The following ADGRA3 variants were observed in gnomAD, a reference collection of about 807,000 sequenced individuals.
ADGRA3 encodes adhesion G protein-coupled receptor A3.
ADGRA3 carries 56 observed loss-of-function variants against 119.8 expected under a neutral mutation model. The observed-to-expected ratio is 0.47, with a 90% CI of 0.38 to 0.58. The LOEUF (loss-of-function observed/expected upper bound fraction) is 0.58. Ranked by LOEUF, ADGRA3 falls within the 20% of genes least tolerant of loss-of-function variation. The pLI, the probability that ADGRA3 is intolerant of heterozygous loss-of-function variation, is 0.00. For missense variants in ADGRA3, 1,516 were observed against 1,649.0 expected (o/e 0.92, Z 1.40); for synonymous variants, 607 against 623.8 (o/e 0.97, Z 0.40).
intron 2 of ADGRA3, chr4:22,473,144 T>C (rs1361884585): frequency 6.6e-6 from 1 of 152,210 alleles, no homozygotes; most frequent in Non-Finnish European, 1.5e-5. Context: ...CCATGTGACA[T>C]GCAAGTTTGG....
chr4:22,461,885 T>A, intron 2 of ADGRA3, 77 bp from the exon 3 acceptor site: 1 of 884,558 alleles, frequency 1.1e-6, no homozygotes, highest in African/African-American at 1.7e-5. Flanking sequence ...TTACCTGCTA[T>A]ACAAAAAAAA....
intron 1 of ADGRA3, among the ~76,000 whole-genome samples, chr4:22,480,135 A>G (rs1718214340): frequency 6.6e-6 from 1 of 152,204 alleles, no homozygotes; most frequent in Non-Finnish European, 1.5e-5. Flanking sequence ...CTCAGCACTT[A>G]AAGTATTTAA....
rs777333900 is a variant in ADGRA3, at chr4:22,445,055, C to A, written c.624G>T (p.Thr208=). The part of the protein sequence containing the change: ...MHRWVKEKNI[T]VRDTRCVYPK... Reference sequence around the variant, plus strand: ...GATAAACACACCTGGTATCCCGTACCGTGATGTTCTTCTCCTTTACCCAGC... The same window carrying A: ...GATAAACACACCTGGTATCCCGTACAGTGATGTTCTTCTCCTTTACCCAGC... Residue 208 remains threonine (T), a synonymous_variant, in exon 6 of 19, where the codon ACG becomes ACT. Coordinates refer to ENST00000334304, the MANE Select transcript of ADGRA3 (RefSeq NM_145290.4). The A allele has an allele frequency of 6.2e-7, 1 of 1,613,930 alleles. No homozygotes were observed. The highest frequency in any genetic ancestry group is 2.2e-5 in the East Asian group (1 of 44,866).
chr4:22,388,847 A>T lies in ADGRA3; in HGVS notation c.2824T>A (p.Leu942Met). ...TATTTGCGCTCAGGGTGTCTTTTCA[A>T]CTGAATAAATATGCTCAGAAAGTAC... is the stretch of plus-strand genomic sequence containing the variant. ...CMYFLSIFIQLKRHPERKYEL... is the reference protein window; with the variant it reads ...CMYFLSIFIQMKRHPERKYEL... The change falls in exon 19 of 19, where the codon TTG becomes ATG. Residue 942 changes from leucine (L) to methionine (M), a missense_variant. Around this residue, in one of 2 missense-constraint regions of ADGRA3, gnomAD observed 1,088 missense variants for 1,107.1 expected, o/e 0.98. Transcript: ENST00000334304. 1 of 1,614,020 alleles carries T rather than the reference A, an allele frequency of 6.2e-7. No individual in the cohort carries two copies.
intron 9 of ADGRA3, 85 bp downstream of exon 9, chr4:22,436,355 T>TAA (rs377154836): frequency 0.015 from 12,310 of 835,242 alleles, 1 homozygote; most frequent in Middle Eastern, 0.019. Context: ...TGCCTAGTAT[T>TAA]AAAAAAAAAA....
rs1314227731 is a variant in ADGRA3, at chr4:22,427,935, G to A, written c.1444-3583C>T. ...AAAGCATGAGCAAATGGACTTTATC[G>A]AAGATAAAATGGGGAAGAAACAAAT... On this transcript the variant is annotated intron_variant, in intron 10 of 18. Transcript: ENST00000334304. Among the ~76,000 whole-genome samples, 4 of 152,108 alleles carry A rather than the reference G, an allele frequency of 2.6e-5. No homozygotes were observed. The East Asian group carries it at 7.7e-4, about 29-fold the overall frequency.
chr4:22,472,152 C>T (rs1717878664), intron 2 of ADGRA3, among the ~76,000 whole-genome samples: 1 of 152,186 alleles, frequency 6.6e-6, no homozygotes, highest in Non-Finnish European at 1.5e-5. Flanking sequence ...CACACTAATG[C>T]CTTTCATTAT....
Position 22,392,524 on chromosome 4 carries a change from TA to T in ADGRA3, c.2627+20del. The T allele has an allele frequency of 6.2e-7, 1 of 1,609,424 alleles. No homozygotes were observed. The highest frequency in any genetic ancestry group is 1.3e-5 in the African/African-American group (1 of 74,678). On this transcript the variant is annotated intron_variant, in intron 17 of 18. Transcript: ENST00000334304. ...CAATGAAAGCAAACAAAACAATTAA[TA>T]CAACAAAGATATGAGATACCTGAGC... is the stretch of plus-strand genomic sequence containing the variant.
intron 4 of ADGRA3, among the ~76,000 whole-genome samples, chr4:22,450,944 A>AT: frequency 1.4e-5 from 2 of 138,314 alleles, no homozygotes; most frequent in Middle Eastern, 3.8e-3. Context: ...CAGAAAAAAA[A>AT]AAAAAAAATA....
chr4:22,447,061 A>G (rs1323943776), intron 5 of ADGRA3, among the ~76,000 whole-genome samples: 1 of 152,176 alleles, frequency 6.6e-6, no homozygotes, highest in Non-Finnish European at 1.5e-5. Flanking sequence ...TACAGGATAA[A>G]ATTAAATTCC....
rs762595446 is a variant in ADGRA3 at position 22,507,346 on chromosome 4, A to G, written c.257+8182T>C. Among the ~76,000 whole-genome samples, 25 of 152,328 alleles carry G rather than the reference A, an allele frequency of 1.6e-4. No individual in the cohort carries two copies. The Middle Eastern group carries it at 0.014, about 83-fold the overall frequency. On this transcript the variant is annotated intron_variant, in intron 1 of 18. Transcript: ENST00000334304. ...ACACAATAAATTAGCTCTGTTCTCT[A>G]GAGTTAAGATTCCTCCAGAGCATCA... is the stretch of plus-strand genomic sequence containing the variant.
In ADGRA3 at chr4:22,460,249, C is replaced by T. The variant is rs190279860; in HGVS notation, c.401+1488G>A. 1.6e-3 allele frequency among the ~76,000 whole-genome samples: 251 copies of T among 152,318 alleles called. 1 individual carries two copies. Among genetic ancestry groups the T allele is most frequent in the Middle Eastern group, 3.4e-3 (1 of 294 alleles). ...GTGCGTTCAGACGTATTTTCACTAACGACTGAAGGGTAGCAGAACATGCCA... is the reference window on the plus strand; with the variant it reads ...GTGCGTTCAGACGTATTTTCACTAATGACTGAAGGGTAGCAGAACATGCCA... On this transcript the variant is annotated intron_variant, in intron 3 of 18. Coordinates refer to ENST00000334304, the MANE Select transcript of ADGRA3 (RefSeq NM_145290.4).
Position 22,424,256 on chromosome 4 carries a change from T to A in ADGRA3, c.1540A>T (p.Ile514Phe). 5 of 1,613,632 alleles carry A rather than the reference T, an allele frequency of 3.1e-6. No individual in the cohort carries two copies. Among genetic ancestry groups the A allele is most frequent in the Non-Finnish European group, 4.2e-6 (5 of 1,179,862 alleles). ...AQREAKACSRIVQCLQRIATY... is the reference protein window; with the variant it reads ...AQREAKACSRFVQCLQRIATY... ...GCAATGCGCTGAAGACACTGCACAATCCTACTGCAGGCTTTAGCTTCCCTC... is the reference window on the plus strand; with the variant it reads ...GCAATGCGCTGAAGACACTGCACAAACCTACTGCAGGCTTTAGCTTCCCTC... The change falls in exon 11 of 19, where the codon ATT becomes TTT. Residue 514 changes from isoleucine to phenylalanine, a missense_variant. Physicochemically the swap from Ile to Phe is conservative, Grantham distance 21 (BLOSUM62 0). Around this residue, in one of 2 missense-constraint regions of ADGRA3, gnomAD observed 1,088 missense variants for 1,107.1 expected, o/e 0.98. Transcript: ENST00000334304.
At chr4:22,402,583 G>T in intron 15 of ADGRA3, 92 bp downstream of exon 15, 1 of 1,322,810 alleles carries the variant, frequency 7.6e-7, no homozygotes, top group South Asian at 1.4e-5. Context: ...AATACAGGAT[G>T]ATAACAAACT....
chr4:22,466,085 TG>T (rs1717647300), intron 2 of ADGRA3, among the ~76,000 whole-genome samples: 1 of 152,120 alleles, frequency 6.6e-6, no homozygotes, highest in African/African-American at 2.4e-5. Flanking sequence ...GACTTTGCTC[TG>T]ATTTAAACCT....
chr4:22,493,017 T>C lies in ADGRA3; in HGVS notation c.258-19174A>G, dbSNP rs1009236329. On this transcript the variant is annotated intron_variant, in intron 1 of 18. Coordinates refer to ENST00000334304, the MANE Select transcript of ADGRA3 (RefSeq NM_145290.4). Reference sequence around the variant, plus strand: ...GTTTCACTCTGTCACCCAGGTGGAGTGCAGAGGCACAATCACAGCTCACTG... The same window carrying C: ...GTTTCACTCTGTCACCCAGGTGGAGCGCAGAGGCACAATCACAGCTCACTG... Among the ~76,000 whole-genome samples the C allele has an allele frequency of 3.3e-5, 5 of 151,772 alleles. No homozygotes were observed. The East Asian group carries it at 9.7e-4, about 29-fold the overall frequency.
intron 6 of ADGRA3, among the ~76,000 whole-genome samples, chr4:22,443,339 T>C (rs890568774): frequency 1.8e-4 from 28 of 152,198 alleles, no homozygotes; most frequent in African/African-American, 6.3e-4. Context: ...AGATCCCATA[T>C]ACCGTAAACA....
At chr4:22,394,231 T>G (rs1411981075) in intron 16 of ADGRA3, 1 of 152,198 alleles carries the variant, frequency 6.6e-6, no homozygotes, top group Admixed American at 6.5e-5. Context: ...GAGTTTATTT[T>G]AATGAGAACC....
chr4:22,509,967 G>T (rs996001296), intron 1 of ADGRA3, among the ~76,000 whole-genome samples: 1 of 132,848 alleles, frequency 7.5e-6, no homozygotes, highest in South Asian at 2.4e-4. Flanking sequence ...CCGAGATCGC[G>T]CCACTGCACT....
Sources: gnomAD v4.1 joint callset for allele counts (sites outside exome capture counted in the v4.1 genomes callset) on GRCh38, gnomAD v4.1.1 for gene constraint, gnomAD v4.1.1 regional missense constraint, MANE v1.5 for transcripts, NCBI Gene and HGNC (gene_info 2026-07-23, HGNC 2026-07-21) for gene names.